Variants in PLAAT5 observed in about 807,000 individuals in gnomAD.
The protein encoded by PLAAT5 is phospholipase A and acyltransferase 5.
PLAAT5 carries 27 observed loss-of-function variants against 27.8 expected under a neutral mutation model. That is an observed-to-expected ratio of 0.97 (90% CI 0.72 to 1.34). The LOEUF (loss-of-function observed/expected upper bound fraction) is 1.34, where lower values mean the gene tolerates loss of function less well. Ranked by LOEUF, PLAAT5 falls within the 40% of genes most tolerant of loss-of-function variation. PLAAT5 has a pLI of 0.00. For synonymous variants in PLAAT5, 125 were observed against 136.1 expected, an observed-to-expected ratio of 0.92 and a Z score of 0.57; for missense variants, 368 against 343.8, an observed-to-expected ratio of 1.07 and a Z score of -0.56.
At chr11:63,481,950 A>G (rs192225142) in intron 3 of PLAAT5, among the ~76,000 whole-genome samples, 1 of 152,356 alleles carries the variant, frequency 6.6e-6, no homozygotes, top group Non-Finnish European at 1.5e-5. Context: ...AGACATACCT[A>G]ATGCTAAATG....
intron 1 of PLAAT5, 132 bp downstream of exon 1, chr11:63,490,755 A>G: frequency 1.1e-6 from 1 of 874,514 alleles, no homozygotes; most frequent in East Asian, 2.8e-5. Flanking sequence ...TCGTTCTGAA[A>G]TACTCGCTCA....
chr11:63,466,087 C>T (rs2015852688), intron 5 of PLAAT5, 23 bp downstream of exon 5: 1 of 1,607,106 alleles, frequency 6.2e-7, no homozygotes, highest in Non-Finnish European at 8.5e-7. Flanking sequence ...AAGAAGCCAT[C>T]ATCAGAGCAA....
intron 4 of PLAAT5, among the ~76,000 whole-genome samples, chr11:63,467,294 T>C (rs1590605790): frequency 6.6e-6 from 1 of 152,190 alleles, no homozygotes; most frequent in African/African-American, 2.4e-5. Flanking sequence ...CTGATAAGTA[T>C]CTCTGTGGTT....
Position 63,461,681 on chromosome 11 carries a change from C to T in PLAAT5, c.*1822G>A, listed in dbSNP as rs2015720131. 6.6e-6 allele frequency: 1 copy of T among 152,134 alleles called. No individual in the cohort carries two copies. Among genetic ancestry groups the T allele is most frequent in the Non-Finnish European group, 1.5e-5 (1 of 68,012 alleles). 9.4% of individuals were successfully genotyped at this position (152,134 alleles called of 1,614,324 possible). A position where few individuals can be genotyped will look rare whatever the true frequency, so the allele number is the denominator to read the frequency against. ...GGGGTATGCATTCCAGATCTCTCAG[C>T]CTGATGGACAGCTTGGAAGTGGAAG... On this transcript the variant is annotated 3_prime_UTR_variant, in exon 6 of 6. Coordinates refer to ENST00000540857, the MANE Select transcript of PLAAT5 (RefSeq NM_001146729.2).
intron 4 of PLAAT5, among the ~76,000 whole-genome samples, chr11:63,468,013 C>A (rs1159388364): frequency 6.6e-6 from 1 of 152,194 alleles, no homozygotes; most frequent in Non-Finnish European, 1.5e-5. Context: ...GCATCTGCAC[C>A]CTCCTTGGGG....
chr11:63,464,970 C>G (rs1265004934), intron 5 of PLAAT5, among the ~76,000 whole-genome samples: 1 of 152,042 alleles, frequency 6.6e-6, no homozygotes, highest in Admixed American at 6.6e-5. Context: ...GTGGCCTGAT[C>G]AATTGTATGT....
chr11:63,466,167 T>G lies in PLAAT5; in HGVS notation c.660A>C (p.Glu220Asp). 1.2e-6 allele frequency: 2 copies of G among 1,614,176 alleles called. No individual in the cohort carries two copies. The highest frequency in any genetic ancestry group is 1.7e-6 in the Non-Finnish European group (2 of 1,180,030). Residue 220 changes from glutamate to aspartate, a missense_variant, in exon 5 of 6, where the codon GAA becomes GAC. Transcript: ENST00000540857. ...VNKIVQYSLI[E>D]GNCEHFVNGL... ...CATTGACAAAGTGCTCACAGTTCCC[T>G]TCAATCAGGCTGTACTGCACGATCT...
At chr11:63,487,554 C>A (rs528115476) in intron 3 of PLAAT5, among the ~76,000 whole-genome samples, 212 of 151,566 alleles carry the variant, frequency 1.4e-3, no homozygotes, top group African/African-American at 5.0e-3. Flanking sequence ...GCTTGGAAAG[C>A]CCCAAAAAAG....
chr11:63,477,507 G>A (rs1486699998), intron 3 of PLAAT5, among the ~76,000 whole-genome samples: 5 of 151,830 alleles, frequency 3.3e-5, no homozygotes, highest in Admixed American at 1.3e-4. Flanking sequence ...ACAGAGTCTC[G>A]CCGTGTCGCC....
intron 3 of PLAAT5, among the ~76,000 whole-genome samples, chr11:63,486,120 T>TA (rs921363537): frequency 7.3e-5 from 11 of 151,604 alleles, no homozygotes; most frequent in African/African-American, 1.5e-4. Context: ...AACTTAAAAA[T>TA]AAAAAAAATA....
At chr11:63,466,023 C>G (rs539393071) in intron 5 of PLAAT5, 87 bp downstream of exon 5, 6 of 1,344,854 alleles carry the variant, frequency 4.5e-6, no homozygotes, top group Non-Finnish European at 6.1e-6. Flanking sequence ...ATAATGAAAG[C>G]CCTGATTACC....
intron 3 of PLAAT5, among the ~76,000 whole-genome samples, chr11:63,484,526 G>A (rs2016388559): frequency 6.6e-6 from 1 of 151,992 alleles, no homozygotes; most frequent in Non-Finnish European, 1.5e-5. Flanking sequence ...CACATAAACA[G>A]AATTAAAAAC....
rs1440551464 is a variant in PLAAT5, at chr11:63,461,905, T to TTCTA, written c.*1594_*1597dup. 6.6e-6 allele frequency: 1 copy of TTCTA among 152,162 alleles called. No individual in the cohort carries two copies. The highest frequency in any genetic ancestry group is 1.5e-5 in the Non-Finnish European group (1 of 68,022). The allele number at this position is 152,162 out of a possible 1,614,324, so 9.4% of individuals were successfully genotyped here. ...ACAAGTGAATGTGAGCCCTGAAACT[T>TTCTA]TCTAGAGAGTCTCTGTCCCATTGGG... On this transcript the variant is annotated 3_prime_UTR_variant, in exon 6 of 6. Transcript: ENST00000540857.
intron 3 of PLAAT5, among the ~76,000 whole-genome samples, chr11:63,479,242 G>A (rs966108668): frequency 1.2e-4 from 19 of 152,364 alleles, no homozygotes; most frequent in African/African-American, 4.3e-4. Flanking sequence ...GAAAGGCAAA[G>A]TGGAGGAGAG....
intron 3 of PLAAT5, among the ~76,000 whole-genome samples, chr11:63,485,695 C>G (rs192799870): frequency 1.1e-3 from 173 of 152,158 alleles, no homozygotes; most frequent in African/African-American, 4.0e-3. Context: ...TCAGAAAAAC[C>G]CTTCTAGACA....
At position 63,490,870 on chromosome 11, in the gene PLAAT5, G is replaced by T. The variant is rs781718640; in HGVS notation, c.148+17C>A. Reference sequence around the variant, plus strand: ...GACAATTGCGGATTGTCCTTCAGCCGCATTCTTGGGGCTGACCTGAGTGGG... The same window carrying T: ...GACAATTGCGGATTGTCCTTCAGCCTCATTCTTGGGGCTGACCTGAGTGGG... On this transcript the variant is annotated intron_variant, in intron 1 of 5. Transcript: ENST00000540857. 6.3e-6 allele frequency: 10 copies of T among 1,592,762 alleles called. No homozygotes were observed. The highest frequency in any genetic ancestry group is 1.1e-5 in the South Asian group (1 of 88,626).
intron 3 of PLAAT5, among the ~76,000 whole-genome samples, chr11:63,483,773 A>G (rs1192884682): frequency 1.9e-5 from 2 of 103,178 alleles, no homozygotes; most frequent in Non-Finnish European, 3.5e-5. Flanking sequence ...ATGAAATTGA[A>G]GCAAAAAAAA....
chr11:63,490,123 G>GTACC, intron 2 of PLAAT5, 120 bp downstream of exon 2: 1 of 1,321,078 alleles, frequency 7.6e-7, no homozygotes, highest in South Asian at 1.3e-5. Context: ...CCCTTGCTGG[G>GTACC]TACCGGCTGG....
chr11:63,475,641 T>C (rs771466681), intron 3 of PLAAT5, among the ~76,000 whole-genome samples: 4 of 152,032 alleles, frequency 2.6e-5, no homozygotes, highest in Non-Finnish European at 4.4e-5. Flanking sequence ...TTTATGACTA[T>C]AATTTTACTG....
Sources: gnomAD v4.1 joint callset for allele counts (sites outside exome capture counted in the v4.1 genomes callset) on GRCh38, gnomAD v4.1.1 for gene constraint, MANE v1.5 for transcripts, NCBI Gene and HGNC (gene_info 2026-07-23, HGNC 2026-07-21) for gene names.